GRIP1: variants seen among roughly 807,000 people sequenced by gnomAD.
The protein encoded by GRIP1 is glutamate receptor interacting protein 1, also known as glutamate receptor-interacting protein 1.
A neutral mutation model predicts 129.9 loss-of-function variants in GRIP1; 45 were observed. The ratio of observed to expected loss-of-function variants is 0.35; its 90% CI spans 0.27 to 0.44. The LOEUF is 0.44. GRIP1 is among the 20% of genes least tolerant of loss of function. The pLI is 1.00. For missense variants in GRIP1, 1,196 were observed against 1,396.8 expected (o/e 0.86, Z 2.29); for synonymous variants, 530 against 520.8 (o/e 1.02, Z -0.24).
At chr12:66,436,094 C>T (rs558531716) in intron 13 of GRIP1, among the ~76,000 whole-genome samples, 1 of 152,106 alleles carries the variant, frequency 6.6e-6, no homozygotes, top group Non-Finnish European at 1.5e-5. Context: ...TTGTTAGACT[C>T]GCATGTAATT....
chr12:67,012,357 T>C (rs898551742), intron 1 of GRIP1, among the ~76,000 whole-genome samples: 2 of 152,168 alleles, frequency 1.3e-5, no homozygotes, highest in African/African-American at 4.8e-5. Flanking sequence ...ACAGACTGCC[T>C]TCTGAGACAG....
In GRIP1 at chr12:66,749,073, G is replaced by A. The variant is rs566622817; in HGVS notation, c.-420+54980C>T. 5.3e-5 allele frequency among the ~76,000 whole-genome samples: 8 copies of A among 152,242 alleles called. No individual in the cohort carries two copies. The South Asian group carries it at 1.2e-3, about 24-fold the overall frequency. On this transcript the variant is annotated intron_variant, in intron 1 of 4. Coordinates refer to the GRIP1 transcript ENST00000538373. ...CTGTATCAGAGACTGCTAGTTGCCC[G>A]CAAGTATCCATTCTTCCCATTCTAC...
chr12:66,825,469 G>C (rs1278099504), intron 1 of GRIP1, among the ~76,000 whole-genome samples: 2 of 152,138 alleles, frequency 1.3e-5, no homozygotes, highest in Non-Finnish European at 2.9e-5. Context: ...CTTATCCTTA[G>C]GGATTAGTAA....
chr12:67,012,125 A>G (rs2042717834), intron 1 of GRIP1, among the ~76,000 whole-genome samples: 1 of 152,166 alleles, frequency 6.6e-6, no homozygotes, highest in Non-Finnish European at 1.5e-5. Flanking sequence ...AATCTGAAAG[A>G]CTATCACAGT....
At chr12:66,798,273 T>C (rs2038758446) in intron 1 of GRIP1, among the ~76,000 whole-genome samples, 1 of 152,114 alleles carries the variant, frequency 6.6e-6, no homozygotes, top group Non-Finnish European at 1.5e-5. Context: ...GAAATAGCAT[T>C]GAAGGAATTA....
At chr12:66,359,310 G>C (rs2054635402) in intron 23 of GRIP1, among the ~76,000 whole-genome samples, 1 of 152,186 alleles carries the variant, frequency 6.6e-6, no homozygotes. Context: ...CAGAATCCTT[G>C]CATTTGAGGA....
chr12:66,523,573 A>T (rs981221197), intron 5 of GRIP1, among the ~76,000 whole-genome samples: 7,181 of 151,464 alleles, frequency 0.047, 556 homozygotes, highest in African/African-American at 0.16. Flanking sequence ...CGCTGCAAAA[A>T]CATGCCAAAA....
upstream of GRIP1, chr12:66,679,135 T>C: frequency 7.0e-7 from 1 of 1,438,130 alleles, no homozygotes; most frequent in Non-Finnish European, 9.1e-7. Flanking sequence ...CTCCTCCCCC[T>C]TCACAATCAC....
intron 1 of GRIP1, among the ~76,000 whole-genome samples, chr12:66,746,765 T>G (rs1448655619): frequency 6.6e-6 from 1 of 152,206 alleles, no homozygotes; most frequent in African/African-American, 2.4e-5. Context: ...TGTGAAAGGT[T>G]GATTGGATTA....
chr12:66,498,695 C>G (rs1033006172), intron 7 of GRIP1, among the ~76,000 whole-genome samples: 2 of 149,448 alleles, frequency 1.3e-5, no homozygotes, highest in African/African-American at 4.9e-5. Flanking sequence ...AACTGTCATA[C>G]AGGCAAAAAA....
intron 11 of GRIP1, among the ~76,000 whole-genome samples, chr12:66,449,205 T>C (rs771521198): frequency 3.9e-5 from 6 of 152,200 alleles, no homozygotes; most frequent in South Asian, 2.1e-4. Flanking sequence ...TTTTGAAAGG[T>C]TGGAACCAGC....
At chr12:66,576,522 C>T (rs756320561) in intron 2 of GRIP1, among the ~76,000 whole-genome samples, 7 of 152,180 alleles carry the variant, frequency 4.6e-5, no homozygotes, top group Non-Finnish European at 1.0e-4. Context: ...GTGTACATAG[C>T]TGAAAGAAGA....
At chr12:66,395,985 C>T (rs562004672) in intron 16 of GRIP1, among the ~76,000 whole-genome samples, 19 of 152,296 alleles carry the variant, frequency 1.2e-4, no homozygotes, top group African/African-American at 4.3e-4. Flanking sequence ...TATTTTGTCA[C>T]CTTTCAGAGC....
At chr12:66,650,330 T>C (rs999109235) in intron 1 of GRIP1, among the ~76,000 whole-genome samples, 1 of 152,230 alleles carries the variant, frequency 6.6e-6, no homozygotes, top group Non-Finnish European at 1.5e-5. Context: ...GATTTATTTC[T>C]TAATCTTGTG....
chr12:67,050,283 G>C (rs1432720064), intron 1 of GRIP1, among the ~76,000 whole-genome samples: 1 of 152,014 alleles, frequency 6.6e-6, no homozygotes, highest in African/African-American at 2.4e-5. Context: ...TTGCCCTAAG[G>C]GGATTCTTCA....
At position 66,445,487 on chromosome 12, in the gene GRIP1, A is replaced by C; in HGVS notation, c.1376T>G (p.Val459Gly). 4 of 1,613,602 alleles carry C rather than the reference A, an allele frequency of 2.5e-6. No individual in the cohort carries two copies. The highest frequency in any genetic ancestry group is 3.4e-6 in the Non-Finnish European group (4 of 1,179,708). The change falls in exon 12 of 25, where the codon GTA (valine) becomes GGA (glycine). Residue 459 changes from valine (V) to glycine (G), a missense_variant. Coordinates refer to ENST00000359742, the MANE Select transcript of GRIP1 (RefSeq NM_001366722.1). ...GTGAACAACCTGCCCAGCCAATCCTACTGTGCTGGAGGCTAAGGACACTAG... is the reference window on the plus strand; with the variant it reads ...GTGAACAACCTGCCCAGCCAATCCTCCTGTGCTGGAGGCTAAGGACACTAG... ...KSSLSLASST[V>G]GLAGQVVHTE...
At chr12:66,997,507 T>C (rs1222464795) in intron 1 of GRIP1, among the ~76,000 whole-genome samples, 1 of 151,996 alleles carries the variant, frequency 6.6e-6, no homozygotes, top group Non-Finnish European at 1.5e-5. Context: ...CCAACGACAA[T>C]ATAAAACAGA....
chr12:66,854,075 T>C (rs2039961402), intron 1 of GRIP1, among the ~76,000 whole-genome samples: 1 of 152,032 alleles, frequency 6.6e-6, no homozygotes, highest in South Asian at 2.1e-4. Context: ...TTGAGCACTT[T>C]CTAGATGCCA....
At chr12:66,722,204 C>T (rs2036079826) in intron 1 of GRIP1, among the ~76,000 whole-genome samples, 1 of 152,136 alleles carries the variant, frequency 6.6e-6, no homozygotes, top group African/African-American at 2.4e-5. Flanking sequence ...TTACAACATG[C>T]CTTCCTCAAT....
Sources: allele counts gnomAD v4.1 joint callset (sites outside exome capture counted in the v4.1 genomes callset), GRCh38; gene constraint gnomAD v4.1.1; transcripts MANE v1.5; gene names NCBI Gene and HGNC (gene_info 2026-07-23, HGNC 2026-07-21).